The following CDK13 variants were observed in gnomAD, a reference collection of about 807,000 sequenced individuals.
CDK13 encodes the protein cyclin dependent kinase 13.
CDK13 carries 40 observed loss-of-function variants against 137.6 expected under a neutral mutation model. That is an observed-to-expected ratio of 0.29 (90% CI 0.23 to 0.38). CDK13 has a LOEUF of 0.38. CDK13 is among the 10% of genes least tolerant of loss of function. The pLI, the probability that CDK13 is intolerant of heterozygous loss-of-function variation, is 1.00. For synonymous variants in CDK13, 869 were observed against 760.1 expected (o/e 1.14, Z -2.36); for missense variants, 1,704 against 1,951.8 (o/e 0.87, Z 2.39).
chr7:39,972,684 T>C (rs1784025581), intron 1 of CDK13, among the ~76,000 whole-genome samples: 1 of 152,246 alleles, frequency 6.6e-6, no homozygotes, highest in South Asian at 2.1e-4. Flanking sequence ...TATCCCATTG[T>C]ATGGTTATGC....
intron 1 of CDK13, among the ~76,000 whole-genome samples, chr7:39,979,212 T>G (rs113468967): frequency 8.9e-5 from 11 of 123,690 alleles, no homozygotes; most frequent in Non-Finnish European, 1.3e-4. Context: ...TCTTTCTTTT[T>G]TTTCTTTTTT....
intron 13 of CDK13, among the ~76,000 whole-genome samples, chr7:40,093,826 A>G (rs1786980167): frequency 6.6e-6 from 1 of 151,096 alleles, no homozygotes; most frequent in African/African-American, 2.4e-5. Flanking sequence ...GGATCACTTG[A>G]GCCCAGGAGG....
intron 1 of CDK13, chr7:39,952,130 A>G (rs1787242611): frequency 5.9e-6 from 2 of 338,720 alleles, no homozygotes; most frequent in Admixed American, 9.6e-5. Context: ...TGTTGCATTA[A>G]TGTGTTAACA....
At chr7:40,023,868 A>G (rs768531439) in intron 5 of CDK13, among the ~76,000 whole-genome samples, 5 of 152,208 alleles carry the variant, frequency 3.3e-5, no homozygotes, top group Admixed American at 2.0e-4. Flanking sequence ...TTTATGGTCA[A>G]CAAAGATAGG....
At chr7:39,962,855 T>G (rs1319673647) in intron 1 of CDK13, among the ~76,000 whole-genome samples, 1 of 152,242 alleles carries the variant, frequency 6.6e-6, no homozygotes, top group African/African-American at 2.4e-5. Flanking sequence ...TAGCTAGTTT[T>G]CCCAGCACCA....
chr7:40,048,569 A>G (rs1361444346), intron 7 of CDK13: 3 of 152,112 alleles, frequency 2.0e-5, no homozygotes, highest in South Asian at 2.1e-4. Flanking sequence ...CCATATGTGT[A>G]TATATATATC....
In CDK13 at chr7:40,094,480, G is replaced by C. The variant is rs1488327247; in HGVS notation, c.4039G>C (p.Ala1347Pro). The C allele has an allele frequency of 6.2e-7, 1 of 1,613,398 alleles. No homozygotes were observed. ...DNFGSSSFSS[A>P]PYVSNDGLGS... ...CTTTGGATCCTCTTCTTTCTCTTCT[G>C]CTCCTTATGTTAGCAATGATGGTCT... Residue 1347 changes from alanine (A) to proline (P), a missense_variant, in exon 14 of 14, where the codon GCT becomes CCT. By Grantham distance (27) the Ala-to-Pro change is conservative. Transcript: ENST00000181839.
intron 10 of CDK13, 62 bp downstream of exon 10, chr7:40,078,183 T>C: frequency 1.2e-6 from 1 of 809,766 alleles, no homozygotes. Context: ...TCTAGTGAAT[T>C]ATAAATGTTA....
At chr7:40,057,466 G>A (rs1293015375) in intron 7 of CDK13, among the ~76,000 whole-genome samples, 2 of 152,136 alleles carry the variant, frequency 1.3e-5, no homozygotes, top group Non-Finnish European at 2.9e-5. Flanking sequence ...GCCTAGAAAT[G>A]GCACTTATCA....
At chr7:39,965,605 T>C (rs1047487608) in intron 1 of CDK13, among the ~76,000 whole-genome samples, 1 of 152,234 alleles carries the variant, frequency 6.6e-6, no homozygotes, top group Non-Finnish European at 1.5e-5. Context: ...TTGGAGCATT[T>C]AGCCCATTTA....
In CDK13 at chr7:40,038,998, A is replaced by G. The variant is rs17538034; in HGVS notation, c.2354-6838A>G. Among the ~76,000 whole-genome samples, 845 of 152,252 alleles carry G rather than the reference A, an allele frequency of 5.6e-3. 5 individuals are homozygous for G. Among genetic ancestry groups the G allele is most frequent in the African/African-American group, 0.012 (510 of 41,542 alleles). On this transcript the variant is annotated intron_variant, in intron 5 of 13. Coordinates refer to ENST00000181839, the MANE Select transcript of CDK13 (RefSeq NM_003718.5). ...GCGTGAGCCACTGTGCCTGGCCACA[A>G]ATTTTTATTGTGAGCAAGATTAAGC...
chr7:40,062,777 C>CTT, intron 7 of CDK13, 49 bp from the exon 8 acceptor site: 1 of 1,278,366 alleles, frequency 7.8e-7, no homozygotes, highest in Non-Finnish European at 1.1e-6. Flanking sequence ...GAGAATCTGT[C>CTT]TTACTCCAAC....
intron 1 of CDK13, among the ~76,000 whole-genome samples, chr7:39,958,514 T>A (rs904597405): frequency 6.6e-6 from 1 of 152,198 alleles, no homozygotes; most frequent in Admixed American, 6.5e-5. Context: ...TAGACTTTTT[T>A]ATGCATATAT....
rs976319927 is a variant in CDK13 at position 40,039,434 on chromosome 7, A to ATTTT, written c.2354-6382_2354-6379dup. Reference sequence around the variant, plus strand: ...AGGTGCCCACGACCATGCCCGGCTAATTTTTTTTTTTTTTTTTTTTTTTGC... The same window carrying ATTTT: ...AGGTGCCCACGACCATGCCCGGCTAATTTTTTTTTTTTTTTTTTTTTTTTTTTGC... On this transcript the variant is annotated intron_variant, in intron 5 of 13. Transcript: ENST00000181839. 1.2e-4 allele frequency among the ~76,000 whole-genome samples: 10 copies of ATTTT among 84,996 alleles called. 2 individuals are homozygous for ATTTT. Among genetic ancestry groups the ATTTT allele is most frequent in the African/African-American group, 2.2e-4 (4 of 18,014 alleles). The allele number at this position is 84,996 out of a possible 152,430, so 55.8% of individuals were successfully genotyped here.
chr7:40,084,642 G>A (rs1786745289), intron 11 of CDK13, among the ~76,000 whole-genome samples: 1 of 152,166 alleles, frequency 6.6e-6, no homozygotes, highest in African/African-American at 2.4e-5. Context: ...CAAAATATCA[G>A]TTGCCATTAG....
At chr7:40,041,303 G>A (rs1273382462) in intron 5 of CDK13, among the ~76,000 whole-genome samples, 3 of 152,098 alleles carry the variant, frequency 2.0e-5, no homozygotes, top group Admixed American at 2.0e-4. Flanking sequence ...TCCAGCCTGG[G>A]CAACAGAGTG....
intron 1 of CDK13, among the ~76,000 whole-genome samples, chr7:39,961,673 A>G (rs1783733046): frequency 6.6e-6 from 1 of 151,156 alleles, no homozygotes; most frequent in Admixed American, 6.6e-5. Flanking sequence ...TTTAGGGTAC[A>G]TGTGCACAAC....
At position 39,978,418 on chromosome 7, in the gene CDK13, T is replaced by C. The variant is rs1265328096; in HGVS notation, c.1212-9181T>C. On this transcript the variant is annotated intron_variant, in intron 1 of 13. Transcript: ENST00000181839. ...TGACCAGTTGCAGAATGGATGTATG[T>C]ATAAGCCAGATTGTAGTGATTTGAG... Among the ~76,000 whole-genome samples the C allele has an allele frequency of 3.3e-5, 5 of 152,302 alleles. No individual in the cohort carries two copies. In the East Asian group the frequency reaches 9.6e-4, roughly 29 times the overall value.
chr7:40,065,009 A>G (rs113580186), intron 9 of CDK13, among the ~76,000 whole-genome samples: 3,369 of 92,636 alleles, frequency 0.036, 62 homozygotes, highest in Middle Eastern at 0.062. Flanking sequence ...GGCTTTCTCT[A>G]TGTTGCCCAG....
Sources: gnomAD v4.1 joint callset for allele counts (sites outside exome capture counted in the v4.1 genomes callset) on GRCh38, gnomAD v4.1.1 for gene constraint, MANE v1.5 for transcripts, NCBI Gene and HGNC (gene_info 2026-07-23, HGNC 2026-07-21) for gene names.